PANX1: variants seen among roughly 807,000 people sequenced by gnomAD.
PANX1 encodes the protein pannexin-1.
Under a neutral mutation model 38.7 loss-of-function variants are expected in PANX1, and 30 were observed. The ratio of observed to expected loss-of-function variants is 0.78; its 90% CI spans 0.58 to 1.05. The LOEUF (loss-of-function observed/expected upper bound fraction) is 1.05. Among genes scored for constraint, PANX1 ranks in the 50% least tolerant of loss-of-function variants. The probability of loss-of-function intolerance (pLI) is 0.00; values close to 1 mark genes in which losing one functional copy is unlikely to be tolerated. For missense variants in PANX1, 551 were observed against 517.2 expected (o/e 1.07, Z -0.63); for synonymous variants, 230 against 212.2 (o/e 1.08, Z -0.73).
Position 94,180,204 on chromosome 11 carries a change from C to T in PANX1, c.1148C>T (p.Pro383Leu), listed in dbSNP as rs1947289552. The part of the protein sequence containing the change: ...IKMDVVDGKT[P>L]MSAEMREEQG... ...ATGGATGTTGTTGATGGCAAAACTCCCATGTCTGCAGAGATGAGAGAGGAG... is the reference window on the plus strand; with the variant it reads ...ATGGATGTTGTTGATGGCAAAACTCTCATGTCTGCAGAGATGAGAGAGGAG... Residue 383 changes from proline to leucine, a missense_variant, in exon 4 of 5, where the codon CCC becomes CTC. Pro to Leu is a moderately conservative substitution (Grantham distance 98). Transcript: ENST00000227638. The T allele has an allele frequency of 1.9e-6, 3 of 1,613,600 alleles. No homozygotes were observed. Among genetic ancestry groups the T allele is most frequent in the Non-Finnish European group, 2.5e-6 (3 of 1,179,780 alleles).
At chr11:94,177,101 T>C (rs1947243547) in intron 2 of PANX1, among the ~76,000 whole-genome samples, 1 of 151,360 alleles carries the variant, frequency 6.6e-6, no homozygotes, top group African/African-American at 2.5e-5. Flanking sequence ...AAACTGAGGG[T>C]CAGAGACTTT....
At chr11:94,137,412 C>T (rs1946708113) in intron 1 of PANX1, among the ~76,000 whole-genome samples, 1 of 152,142 alleles carries the variant, frequency 6.6e-6, no homozygotes, top group Non-Finnish European at 1.5e-5. Flanking sequence ...CACCTTTTTT[C>T]TGCAGCTGGT....
intron 2 of PANX1, among the ~76,000 whole-genome samples, chr11:94,171,703 A>G (rs1439705738): frequency 6.6e-6 from 1 of 151,594 alleles, no homozygotes; most frequent in Admixed American, 6.6e-5. Context: ...CAGCACTGGT[A>G]TGACACTGGT....
At chr11:94,139,237 A>G (rs1405073545) in intron 1 of PANX1, among the ~76,000 whole-genome samples, 1 of 152,228 alleles carries the variant, frequency 6.6e-6, no homozygotes, top group East Asian at 1.9e-4. Flanking sequence ...TAGGTAAATT[A>G]AAGTTATAAA....
At chr11:94,158,883 G>T (rs887658888) in intron 2 of PANX1, among the ~76,000 whole-genome samples, 4 of 152,130 alleles carry the variant, frequency 2.6e-5, no homozygotes, top group Admixed American at 6.5e-5. Flanking sequence ...TCAGCTGTGG[G>T]TTTGTCATAG....
At chr11:94,158,179 C>A (rs1004126650) in intron 2 of PANX1, among the ~76,000 whole-genome samples, 2 of 152,138 alleles carry the variant, frequency 1.3e-5, no homozygotes, top group Non-Finnish European at 2.9e-5. Context: ...AGTCAGGTAG[C>A]ATGATGCCTC....
intron 2 of PANX1, among the ~76,000 whole-genome samples, chr11:94,157,678 T>G (rs571526335): frequency 1.3e-5 from 2 of 152,324 alleles, no homozygotes; most frequent in African/African-American, 4.8e-5. Context: ...TTTCTCCCAT[T>G]CTGTAGGTTG....
chr11:94,139,435 C>G lies in PANX1; in HGVS notation c.181+9942C>G, dbSNP rs78751944. On this transcript the variant is annotated intron_variant, in intron 1 of 4. Coordinates refer to ENST00000227638, the MANE Select transcript of PANX1 (RefSeq NM_015368.4). The stretch of plus-strand genomic sequence containing the variant: ...ACTGGAAACTTGTCAGGCTATCTCA[C>G]TATTGGACCTTTTAAAATATTGTAG... Among the ~76,000 whole-genome samples the G allele has an allele frequency of 1.4e-4, 22 of 152,314 alleles. No individual in the cohort carries two copies. The East Asian group carries it at 4.2e-3, about 29-fold the overall frequency.
rs1262340193 is a variant in PANX1 at position 94,150,431 on chromosome 11, G to C, written c.182-3060G>C. Among the ~76,000 whole-genome samples the C allele has an allele frequency of 2.0e-5, 3 of 152,182 alleles. No homozygotes were observed. The East Asian group carries it at 5.8e-4, about 29-fold the overall frequency. ...TCAGACTACTTGGAAAACTCACGAA[G>C]ATCTAACGTGTTTACCTCCCAATAT... is the stretch of plus-strand genomic sequence containing the variant. On this transcript the variant is annotated intron_variant, in intron 1 of 4. Transcript: ENST00000227638.
intron 1 of PANX1, among the ~76,000 whole-genome samples, chr11:94,145,955 T>C (rs1235154652): frequency 6.6e-6 from 1 of 152,212 alleles, no homozygotes; most frequent in Admixed American, 6.5e-5. Context: ...TAGTTTCTGC[T>C]GAAGGGCCTA....
intron 1 of PANX1, among the ~76,000 whole-genome samples, chr11:94,132,242 T>C (rs1371577848): frequency 6.6e-6 from 1 of 152,220 alleles, no homozygotes; most frequent in Non-Finnish European, 1.5e-5. Context: ...ATAAGAATCT[T>C]TCCTCTGGAA....
At chr11:94,129,855 A>C (rs1946606546) in intron 1 of PANX1, among the ~76,000 whole-genome samples, 2 of 152,194 alleles carry the variant, frequency 1.3e-5, no homozygotes, top group Non-Finnish European at 2.9e-5. Flanking sequence ...CCAGCCGCCT[A>C]AAATTTTACA....
In PANX1 at chr11:94,179,706, G is replaced by T. The variant is rs143240087; in HGVS notation, c.650G>T (p.Arg217Leu). 3 of 1,613,548 alleles carry T rather than the reference G, an allele frequency of 1.9e-6. No individual in the cohort carries two copies. Among genetic ancestry groups the T allele is most frequent in the East Asian group, 4.5e-5 (2 of 44,894 alleles). ...NNLIIKYISC[R>L]LLTLIIILLA... Reference sequence around the variant, plus strand: ...TTAATCATCAAGTACATTAGCTGCCGCCTGCTGACACTCATCATTATACTG... The same window carrying T: ...TTAATCATCAAGTACATTAGCTGCCTCCTGCTGACACTCATCATTATACTG... Residue 217 changes from arginine (R) to leucine (L), a missense_variant, in exon 4 of 5, where the codon CGC (arginine) becomes CTC (leucine). Coordinates refer to ENST00000227638, the MANE Select transcript of PANX1 (RefSeq NM_015368.4).
chr11:94,139,989 G>T (rs1405551006), intron 1 of PANX1, among the ~76,000 whole-genome samples: 2 of 152,226 alleles, frequency 1.3e-5, no homozygotes, highest in Non-Finnish European at 2.9e-5. Flanking sequence ...TTTATAGCTG[G>T]TTGGTCAGAA....
intron 1 of PANX1, among the ~76,000 whole-genome samples, chr11:94,140,352 T>C (rs1458213502): frequency 7.2e-5 from 11 of 152,264 alleles, no homozygotes; most frequent in Non-Finnish European, 4.4e-5. Context: ...ATTAAAGCCC[T>C]GCCCTTTTTT....
intron 1 of PANX1, among the ~76,000 whole-genome samples, chr11:94,144,201 C>G (rs1946798482): frequency 6.6e-6 from 1 of 152,052 alleles, no homozygotes; most frequent in African/African-American, 2.4e-5. Flanking sequence ...TAACATTTTT[C>G]TGAAGTCAAT....
intron 2 of PANX1, among the ~76,000 whole-genome samples, chr11:94,158,870 A>C (rs1256485218): frequency 6.6e-6 from 1 of 152,162 alleles, no homozygotes. Flanking sequence ...ATTCAGTATG[A>C]TATCAGCTGT....
rs1230985312 is a variant in PANX1, at chr11:94,180,205, C to T, written c.1149C>T (p.Pro383=). 6.2e-7 allele frequency: 1 copy of T among 1,613,624 alleles called. No homozygotes were observed. The highest frequency in any genetic ancestry group is 2.2e-5 in the East Asian group (1 of 44,848). The change falls in exon 4 of 5, where the codon CCC becomes CCT. Residue 383 remains proline (P), a synonymous_variant. Transcript: ENST00000227638. ...IKMDVVDGKT[P]MSAEMREEQG... ...TGGATGTTGTTGATGGCAAAACTCC[C>T]ATGTCTGCAGAGATGAGAGAGGAGC...
At chr11:94,141,924 G>A (rs1260234029) in intron 1 of PANX1, among the ~76,000 whole-genome samples, 1 of 152,176 alleles carries the variant, frequency 6.6e-6, no homozygotes, top group Non-Finnish European at 1.5e-5. Flanking sequence ...AGCACTCAGC[G>A]CAGGTTAGCT....
Sources: allele counts gnomAD v4.1 joint callset (sites outside exome capture counted in the v4.1 genomes callset), GRCh38; gene constraint gnomAD v4.1.1; transcripts MANE v1.5; gene names NCBI Gene and HGNC (gene_info 2026-07-23, HGNC 2026-07-21).